The following GALNT13 variants were observed in gnomAD, a reference collection of about 807,000 sequenced individuals.
GALNT13 encodes the protein UDP-GalNAc:polypeptide N-acetylgalactosaminyltransferase 13.
GALNT13 carries 28 observed loss-of-function variants against 64.2 expected under a neutral mutation model. The observed-to-expected ratio is 0.44, with a 90% CI of 0.32 to 0.60. GALNT13 has a LOEUF of 0.60. Among genes scored for constraint, GALNT13 ranks in the 20% least tolerant of loss-of-function variants. GALNT13 has a pLI of 0.05. For missense variants in GALNT13, 577 were observed against 669.8 expected, an observed-to-expected ratio of 0.86 and a Z score of 1.53; for synonymous variants, 214 against 224.6, an observed-to-expected ratio of 0.95 and a Z score of 0.42.
At chr2:154,076,593 C>A (rs1294334823) in intron 3 of GALNT13, among the ~76,000 whole-genome samples, 1 of 151,608 alleles carries the variant, frequency 6.6e-6, no homozygotes, top group Non-Finnish European at 1.5e-5. Flanking sequence ...AGTTACCTAG[C>A]ACCTCATAGT....
the GALNT13 span, among the ~76,000 whole-genome samples, chr2:153,318,507 G>A: frequency 6.6e-6 from 1 of 152,290 alleles, no homozygotes; most frequent in African/African-American, 2.4e-5. Flanking sequence ...AGCTCTGACA[G>A]GCATTTTCCA....
chr2:153,482,736 G>A, the GALNT13 span, among the ~76,000 whole-genome samples: 1 of 151,014 alleles, frequency 6.6e-6, no homozygotes, highest in East Asian at 1.9e-4. Flanking sequence ...CTCCCAAAGT[G>A]CTAGGATTAC....
chr2:153,120,217 C>G, the GALNT13 span, among the ~76,000 whole-genome samples: 1 of 152,120 alleles, frequency 6.6e-6, no homozygotes, highest in African/African-American at 2.4e-5. Flanking sequence ...TCTACTTTAA[C>G]CAAAAAGACA....
At chr2:153,426,151 G>A in the GALNT13 span, among the ~76,000 whole-genome samples, 62 of 151,886 alleles carry the variant, frequency 4.1e-4, no homozygotes, top group African/African-American at 1.4e-3. Flanking sequence ...AACACAGCCA[G>A]CTCTTTTTAG....
chr2:153,359,570 G>C, the GALNT13 span, among the ~76,000 whole-genome samples: 1 of 129,270 alleles, frequency 7.7e-6, no homozygotes, highest in Admixed American at 9.0e-5. Context: ...TACAGAGAGA[G>C]TGAAGATGTG....
At chr2:153,367,109 A>G in the GALNT13 span, among the ~76,000 whole-genome samples, 3 of 152,156 alleles carry the variant, frequency 2.0e-5, no homozygotes, top group Admixed American at 6.6e-5. Context: ...GAGAGACTGA[A>G]TCTACATAAA....
chr2:154,404,267 C>G (rs1191495436), intron 10 of GALNT13, among the ~76,000 whole-genome samples: 1 of 152,134 alleles, frequency 6.6e-6, no homozygotes, highest in Non-Finnish European at 1.5e-5. Context: ...CATGCAGTCC[C>G]CAAGATAAGT....
chr2:153,242,746 T>C, the GALNT13 span, among the ~76,000 whole-genome samples: 2 of 152,376 alleles, frequency 1.3e-5, no homozygotes, highest in South Asian at 4.1e-4. Flanking sequence ...CCATTTTATC[T>C]TCTTGCCACT....
chr2:154,177,803 A>C (rs964660158), intron 4 of GALNT13, among the ~76,000 whole-genome samples: 71 of 152,306 alleles, frequency 4.7e-4, no homozygotes, highest in African/African-American at 1.6e-3. Context: ...GAAAGACCAG[A>C]CCTGAAAAGA....
intron 11 of GALNT13, among the ~76,000 whole-genome samples, chr2:154,426,327 T>TGGGTGAATTTAGGAGTGGGTAGGAA (rs1700469466): frequency 1.3e-5 from 2 of 152,092 alleles, no homozygotes; most frequent in Admixed American, 1.3e-4. Flanking sequence ...AGCAGGAGAG[T>TGGGTGAATTTAGGAGTGGGTAGGAA]CCCTCTCTTC....
At chr2:154,217,292 A>G (rs1442392089) in intron 4 of GALNT13, among the ~76,000 whole-genome samples, 1 of 152,118 alleles carries the variant, frequency 6.6e-6, no homozygotes, top group African/African-American at 2.4e-5. Context: ...TATATAATTC[A>G]CATTTAACTT....
At chr2:153,435,419 C>T in the GALNT13 span, among the ~76,000 whole-genome samples, 1 of 152,032 alleles carries the variant, frequency 6.6e-6, no homozygotes, top group Non-Finnish European at 1.5e-5. Flanking sequence ...TTACCTTGGG[C>T]AGTATGGCCA....
At position 154,452,729 on chromosome 2, in the gene GALNT13, A is replaced by G. The variant is rs1475206196; in HGVS notation, c.*2178A>G. The G allele has an allele frequency of 1.3e-5, 2 of 152,206 alleles. No homozygotes were observed. Among genetic ancestry groups the G allele is most frequent in the East Asian group, 3.9e-4 (2 of 5,186 alleles). 9.4% of individuals were successfully genotyped at this position (152,206 alleles called of 1,614,324 possible). A position where few individuals can be genotyped will look rare whatever the true frequency, so the allele number is the denominator to read the frequency against. On this transcript the variant is annotated 3_prime_UTR_variant, in exon 13 of 13. Transcript: ENST00000392825. ...TCTTCAGATGGCTTGAACACGTGCCATTATAGTATCTAACAAAAAGTGGCA... is the reference window on the plus strand; with the variant it reads ...TCTTCAGATGGCTTGAACACGTGCCGTTATAGTATCTAACAAAAAGTGGCA...
At chr2:153,953,058 T>G (rs1692308249) in intron 3 of GALNT13, among the ~76,000 whole-genome samples, 1 of 152,106 alleles carries the variant, frequency 6.6e-6, no homozygotes. Flanking sequence ...GTCCACTGAC[T>G]CAAATGTTAG....
At chr2:153,268,954 C>G in the GALNT13 span, among the ~76,000 whole-genome samples, 25 of 152,176 alleles carry the variant, frequency 1.6e-4, no homozygotes, top group Admixed American at 6.5e-4. Flanking sequence ...CACATGGAAT[C>G]ATTTATTCCT....
chr2:153,539,219 G>T, the GALNT13 span, among the ~76,000 whole-genome samples: 4 of 152,074 alleles, frequency 2.6e-5, no homozygotes, highest in African/African-American at 9.7e-5. Context: ...CATGTCCTTT[G>T]CCCAGTTTCT....
chr2:153,292,415 G>C, the GALNT13 span, among the ~76,000 whole-genome samples: 324 of 152,318 alleles, frequency 2.1e-3, no homozygotes, highest in African/African-American at 7.1e-3. Flanking sequence ...TGCCCTTCCG[G>C]AGATACAGTC....
chr2:154,081,697 A>G (rs754350783), intron 3 of GALNT13, among the ~76,000 whole-genome samples: 2 of 151,748 alleles, frequency 1.3e-5, no homozygotes, highest in African/African-American at 4.8e-5. Context: ...TCCTATATCT[A>G]TGAATGCTAC....
At chr2:153,151,772 T>C in the GALNT13 span, among the ~76,000 whole-genome samples, 4 of 148,766 alleles carry the variant, frequency 2.7e-5, no homozygotes, top group South Asian at 2.1e-4. Context: ...TAGGTGGGAA[T>C]TGAAAAATGA....
Sources: gnomAD v4.1 joint callset for allele counts (sites outside exome capture counted in the v4.1 genomes callset) on GRCh38, gnomAD v4.1.1 for gene constraint, MANE v1.5 for transcripts, NCBI Gene and HGNC (gene_info 2026-07-23, HGNC 2026-07-21) for gene names.